FOXJ3: variants seen among roughly 807,000 people sequenced by gnomAD.
FOXJ3 encodes the protein forkhead box protein J3.
In FOXJ3, 22 loss-of-function variants were observed where a neutral mutation model predicts 76.1. The ratio of observed to expected loss-of-function variants is 0.29; its 90% CI spans 0.21 to 0.41. The LOEUF (loss-of-function observed/expected upper bound fraction) is 0.41. Ranked by LOEUF, FOXJ3 falls within the 10% of genes least tolerant of loss-of-function variation. The pLI is 1.00. For missense variants in FOXJ3, 613 were observed against 762.1 expected (o/e 0.80, Z 2.30); for synonymous variants, 269 against 261.2 (o/e 1.03, Z -0.29).
At chr1:42,302,850 TGATA>T (rs1654238515) in intron 2 of FOXJ3, among the ~76,000 whole-genome samples, 1 of 152,010 alleles carries the variant, frequency 6.6e-6, no homozygotes, top group African/African-American at 2.4e-5. Context: ...CTATTACCTC[TGATA>T]TATGATTCCC....
chr1:42,274,962 T>TA (rs1360588084), intron 3 of FOXJ3, among the ~76,000 whole-genome samples: 2 of 152,016 alleles, frequency 1.3e-5, no homozygotes, highest in Non-Finnish European at 2.9e-5. Flanking sequence ...TGTGCTTACT[T>TA]ACAGGGACAG....
At chr1:42,231,787 C>G (rs1252834953) in intron 4 of FOXJ3, among the ~76,000 whole-genome samples, 1 of 152,066 alleles carries the variant, frequency 6.6e-6, no homozygotes. Context: ...AGGTCCACAC[C>G]CCACCCCCAC....
At chr1:42,317,357 TG>T (rs1321110572) in intron 1 of FOXJ3, among the ~76,000 whole-genome samples, 1 of 152,112 alleles carries the variant, frequency 6.6e-6, no homozygotes, top group African/African-American at 2.4e-5. Context: ...AGCAATCAGT[TG>T]TTCATCCCAG....
At chr1:42,233,845 G>T in intron 4 of FOXJ3, among the ~76,000 whole-genome samples, 1 of 148,760 alleles carries the variant, frequency 6.7e-6, no homozygotes, top group African/African-American at 2.5e-5. Context: ...AATAGGAGTG[G>T]TGAGAGAGGG....
chr1:42,271,552 C>A (rs952943947), intron 3 of FOXJ3, among the ~76,000 whole-genome samples: 3 of 152,104 alleles, frequency 2.0e-5, no homozygotes, highest in Non-Finnish European at 2.9e-5. Flanking sequence ...ACAATACACC[C>A]ACACACCACC....
chr1:42,217,453 C>T (rs1311229965), intron 5 of FOXJ3, among the ~76,000 whole-genome samples: 5 of 151,824 alleles, frequency 3.3e-5, no homozygotes, highest in Middle Eastern at 3.2e-3. Flanking sequence ...GGCTTGCACC[C>T]GGGAGGCAGA....
At chr1:42,312,169 A>G (rs1654853791) in intron 1 of FOXJ3, among the ~76,000 whole-genome samples, 1 of 152,192 alleles carries the variant, frequency 6.6e-6, no homozygotes, top group Non-Finnish European at 1.5e-5. Flanking sequence ...AGAACTTCCA[A>G]TTTTTCAAGA....
chr1:42,311,223 A>AGT, intron 1 of FOXJ3, 113 bp from the exon 2 acceptor site: 2 of 668,328 alleles, frequency 3.0e-6, no homozygotes, highest in Non-Finnish European at 5.0e-6. Context: ...TGTTCTACTA[A>AGT]AGAATTCTAC....
intron 4 of FOXJ3, among the ~76,000 whole-genome samples, chr1:42,264,008 G>C (rs900536093): frequency 1.2e-4 from 16 of 128,940 alleles, no homozygotes; most frequent in African/African-American, 4.6e-4. Flanking sequence ...GAGGGATCGA[G>C]CCCAGCCATT....
chr1:42,216,345 C>T (rs962706073), intron 5 of FOXJ3, among the ~76,000 whole-genome samples: 59 of 151,696 alleles, frequency 3.9e-4, no homozygotes, highest in African/African-American at 1.4e-3. Flanking sequence ...GGTGAAACCC[C>T]GTCTCTACTA....
chr1:42,245,765 T>C (rs773500165), intron 4 of FOXJ3, among the ~76,000 whole-genome samples: 1 of 152,184 alleles, frequency 6.6e-6, no homozygotes, highest in Non-Finnish European at 1.5e-5. Context: ...AAGACAAGGA[T>C]GTCCACTTTC....
In FOXJ3 at chr1:42,205,883, T is replaced by C. The variant is rs758033220; in HGVS notation, c.529-20A>G. On this transcript the variant is annotated intron_variant, in intron 5 of 12. Coordinates refer to ENST00000361346, the MANE Select transcript of FOXJ3 (RefSeq NM_014947.5). ...TGAGGCCTAAAATACAAGAACAAAA[T>C]AAATAATTATTAGCTCATATATCCA... is the stretch of plus-strand genomic sequence containing the variant. The C allele has an allele frequency of 5.7e-6, 8 of 1,401,486 alleles. No homozygotes were observed. Among genetic ancestry groups the C allele is most frequent in the South Asian group, 1.2e-5 (1 of 84,002 alleles). 86.8% of individuals were successfully genotyped at this position (1,401,486 alleles called of 1,614,324 possible). A position where few individuals can be genotyped will look rare whatever the true frequency, so the allele number is the denominator to read the frequency against.
chr1:42,205,554 G>A (rs925917022), intron 6 of FOXJ3, among the ~76,000 whole-genome samples: 3 of 152,056 alleles, frequency 2.0e-5, no homozygotes, highest in Admixed American at 2.0e-4. Flanking sequence ...TCTCGGTAAG[G>A]ACCTTCCAAT....
Position 42,179,250 on chromosome 1 carries a change from A to G in FOXJ3, c.*460T>C, listed in dbSNP as rs1646271028. ...CCTACATCAGTTAAAAGCATCCTGC[A>G]GAAAATAGCCTAACAAGGAATAAAA... is the stretch of plus-strand genomic sequence containing the variant. On this transcript the variant is annotated 3_prime_UTR_variant, in exon 13 of 13. Coordinates refer to ENST00000361346, the MANE Select transcript of FOXJ3 (RefSeq NM_014947.5). 6.5e-6 allele frequency: 1 copy of G among 152,744 alleles called. No individual in the cohort carries two copies. Among genetic ancestry groups the G allele is most frequent in the Non-Finnish European group, 1.5e-5 (1 of 68,088 alleles). The allele number at this position is 152,744 out of a possible 1,614,324, so 9.5% of individuals were successfully genotyped here. A position where few individuals can be genotyped will look rare whatever the true frequency, so the allele number is the denominator to read the frequency against.
chr1:42,260,098 T>G (rs1557681449), intron 4 of FOXJ3, among the ~76,000 whole-genome samples: 1 of 152,210 alleles, frequency 6.6e-6, no homozygotes, highest in Non-Finnish European at 1.5e-5. Context: ...TTTACAAAAA[T>G]CATGCATTTA....
chr1:42,234,085 A>C (rs1183825133), intron 4 of FOXJ3, among the ~76,000 whole-genome samples: 1 of 151,938 alleles, frequency 6.6e-6, no homozygotes, highest in Non-Finnish European at 1.5e-5. Context: ...TTTCTTGGAG[A>C]CTTTGTTCGT....
intron 9 of FOXJ3, 137 bp downstream of exon 9, chr1:42,191,166 G>T: frequency 1.3e-6 from 1 of 777,816 alleles, no homozygotes; most frequent in Non-Finnish European, 1.9e-6. Context: ...TGAATTAAAT[G>T]AGTTACAACT....
intron 3 of FOXJ3, among the ~76,000 whole-genome samples, chr1:42,273,696 T>C (rs59523647): frequency 1.5e-4 from 13 of 88,894 alleles, no homozygotes; most frequent in African/African-American, 4.2e-4. Context: ...AAAAAAAAAA[T>C]TGCAGAAAAG....
chr1:42,224,845 G>A (rs1319731093), intron 5 of FOXJ3, among the ~76,000 whole-genome samples: 2 of 151,800 alleles, frequency 1.3e-5, no homozygotes, highest in Non-Finnish European at 2.9e-5. Flanking sequence ...CCAGCACTTT[G>A]GGAGGCTGAA....
Sources: allele counts gnomAD v4.1 joint callset (sites outside exome capture counted in the v4.1 genomes callset), GRCh38; gene constraint gnomAD v4.1.1; transcripts MANE v1.5; gene names NCBI Gene and HGNC (gene_info 2026-07-23, HGNC 2026-07-21).